Variants in DYNC2I1 observed in about 807,000 individuals in gnomAD.
DYNC2I1 encodes cytoplasmic dynein 2 intermediate chain 1.
DYNC2I1 carries 89 observed loss-of-function variants against 133.4 expected under a neutral mutation model. The ratio of observed to expected loss-of-function variants is 0.67; its 90% CI spans 0.56 to 0.80. The LOEUF is 0.80. DYNC2I1 is among the 30% of genes least tolerant of loss of function. The pLI is 0.00. For synonymous variants in DYNC2I1, 504 were observed against 484.3 expected (o/e 1.04, Z -0.54); for missense variants, 1,291 against 1,314.5 (o/e 0.98, Z 0.28).
At chr7:158,914,782 CTCG>C (rs1305954872) in intron 14 of DYNC2I1, among the ~76,000 whole-genome samples, 4 of 152,192 alleles carry the variant, frequency 2.6e-5, no homozygotes, top group Non-Finnish European at 5.9e-5. Context: ...GGCTGTGGGT[CTCG>C]TCTGACCCCC....
chr7:158,916,240 A>G (rs1342654738), intron 14 of DYNC2I1, among the ~76,000 whole-genome samples: 2 of 82,994 alleles, frequency 2.4e-5, no homozygotes, highest in African/African-American at 7.8e-5. Flanking sequence ...ATTAAGGATG[A>G]TTGTGAAACG....
At chr7:158,845,247 G>C in the DYNC2I1 span, among the ~76,000 whole-genome samples, 1 of 152,086 alleles carries the variant, frequency 6.6e-6, no homozygotes, top group Non-Finnish European at 1.5e-5. Flanking sequence ...TGTATGGTGA[G>C]TGTGTTGTGT....
At chr7:158,930,330 T>A in intron 20 of DYNC2I1, 125 bp from the exon 21 acceptor site, 1 of 862,352 alleles carries the variant, frequency 1.2e-6, no homozygotes, top group Non-Finnish European at 1.9e-6. Flanking sequence ...GTGTATTGAT[T>A]TGCATTTGAT....
intron 14 of DYNC2I1, among the ~76,000 whole-genome samples, chr7:158,916,713 C>T (rs573361195): frequency 1.8e-3 from 116 of 63,984 alleles, no homozygotes; most frequent in African/African-American, 5.5e-3. Context: ...AACGTCTGCA[C>T]GCTGGTTGAC....
intron 23 of DYNC2I1, among the ~76,000 whole-genome samples, chr7:158,937,422 C>T (rs528731841): frequency 2.3e-4 from 34 of 151,046 alleles, no homozygotes; most frequent in Admixed American, 6.6e-4. Context: ...GTCAGGAGAT[C>T]GAGAGCATCC....
chr7:158,885,883 T>TA (rs1293113500), intron 6 of DYNC2I1, among the ~76,000 whole-genome samples: 1 of 152,090 alleles, frequency 6.6e-6, no homozygotes, highest in Non-Finnish European at 1.5e-5. Context: ...GCATGGTATA[T>TA]TGATATGAAT....
chr7:158,899,358 A>G (rs1846027288), intron 8 of DYNC2I1, among the ~76,000 whole-genome samples: 1 of 152,228 alleles, frequency 6.6e-6, no homozygotes, highest in Non-Finnish European at 1.5e-5. Context: ...ACACGGATAA[A>G]TACCTAAGCA....
chr7:158,912,554 G>T (rs1563155505), intron 12 of DYNC2I1, among the ~76,000 whole-genome samples: 1 of 152,118 alleles, frequency 6.6e-6, no homozygotes, highest in Non-Finnish European at 1.5e-5. Flanking sequence ...GAACTCCTCG[G>T]ACACTGACAA....
intron 24 of DYNC2I1, among the ~76,000 whole-genome samples, chr7:158,944,242 G>A (rs1202460047): frequency 1.3e-5 from 2 of 152,088 alleles, no homozygotes; most frequent in Non-Finnish European, 2.9e-5. Context: ...TGGTGGCTCA[G>A]TGTTGGGCCC....
rs769204409 is a variant in DYNC2I1, at chr7:158,918,690, A to T, written c.1792-50A>T. 3.1e-6 allele frequency: 5 copies of T among 1,593,946 alleles called. No homozygotes were observed. The East Asian group carries it at 9.0e-5, about 29-fold the overall frequency. ...AAAAGGTAATTTTTTTTTGGAAAAGATAATCCATTGTGAAGTTTTTATTAA... is the reference window on the plus strand; with the variant it reads ...AAAAGGTAATTTTTTTTTGGAAAAGTTAATCCATTGTGAAGTTTTTATTAA... On this transcript the variant is annotated intron_variant, in intron 14 of 24. Coordinates refer to ENST00000407559, the MANE Select transcript of DYNC2I1 (RefSeq NM_018051.5).
intron 23 of DYNC2I1, among the ~76,000 whole-genome samples, chr7:158,938,831 C>A (rs1285411362): frequency 6.6e-6 from 1 of 151,990 alleles, no homozygotes; most frequent in East Asian, 1.9e-4. Context: ...CACGCAAAAA[C>A]AAAAAACTTA....
chr7:158,844,238 G>T, the DYNC2I1 span, among the ~76,000 whole-genome samples: 2 of 152,156 alleles, frequency 1.3e-5, no homozygotes, highest in African/African-American at 4.8e-5. Flanking sequence ...ATACATTTGA[G>T]ATATGGAATA....
rs576617371 is a variant in DYNC2I1 at position 158,945,217 on chromosome 7, T to C, written c.3003-364T>C. 9.6e-4 allele frequency among the ~76,000 whole-genome samples: 146 copies of C among 152,136 alleles called. No homozygotes were observed. The highest frequency in any genetic ancestry group is 3.4e-3 in the Middle Eastern group (1 of 294). On this transcript the variant is annotated intron_variant, in intron 24 of 24. Coordinates refer to ENST00000407559, the MANE Select transcript of DYNC2I1 (RefSeq NM_018051.5). This position sits in a 1 kb window ranked among gnomAD's most constrained non-coding sequence, Gnocchi z 4.1. ...AGACTTGTGAGTCCTGACACTCAGC[T>C]GTGGGTGAGATCCAGGGAGGCTGGA...
intron 8 of DYNC2I1, among the ~76,000 whole-genome samples, chr7:158,892,868 G>A (rs2129482555): frequency 6.6e-6 from 1 of 151,550 alleles, no homozygotes. Context: ...AACCCAGGAG[G>A]CGGAGGTTGC....
At chr7:158,897,483 T>G (rs1845861978) in intron 8 of DYNC2I1, among the ~76,000 whole-genome samples, 1 of 152,162 alleles carries the variant, frequency 6.6e-6, no homozygotes, top group African/African-American at 2.4e-5. Flanking sequence ...AACTGTGTCT[T>G]TGATGAAATT....
intron 1 of DYNC2I1, among the ~76,000 whole-genome samples, chr7:158,868,315 T>G (rs1051706327): frequency 2.2e-4 from 33 of 152,280 alleles, no homozygotes; most frequent in Middle Eastern, 6.8e-3. Flanking sequence ...GTGTGGATTC[T>G]CTAATGGCTG....
At chr7:158,958,382 C>T (rs1852254133), downstream of DYNC2I1, among the ~76,000 whole-genome samples, 1 of 152,262 alleles carries the variant, frequency 6.6e-6, no homozygotes, top group Admixed American at 6.5e-5. Context: ...TTCTCTCTTC[C>T]TCACCGTGGC....
intron 11 of DYNC2I1, among the ~76,000 whole-genome samples, chr7:158,908,741 G>A (rs966290216): frequency 3.3e-5 from 5 of 152,186 alleles, no homozygotes; most frequent in Admixed American, 1.3e-4. Flanking sequence ...CCCCTGAGCC[G>A]GAGAGGCTGG....
chr7:158,877,166 C>G (rs915829109), intron 4 of DYNC2I1, among the ~76,000 whole-genome samples: 1 of 152,002 alleles, frequency 6.6e-6, no homozygotes, highest in African/African-American at 2.4e-5. Flanking sequence ...TTGGTGCTCT[C>G]CAGGCACCTG....
Sources: allele counts gnomAD v4.1 joint callset (sites outside exome capture counted in the v4.1 genomes callset), GRCh38; gene constraint gnomAD v4.1.1; non-coding constraint Gnocchi (gnomAD v3.1); transcripts MANE v1.5; gene names NCBI Gene and HGNC (gene_info 2026-07-23, HGNC 2026-07-21).